IQCH: variants seen among roughly 807,000 people sequenced by gnomAD.
IQCH encodes IQ domain-containing protein H.
Under a neutral mutation model 117.0 loss-of-function variants are expected in IQCH, and 98 were observed. The observed-to-expected ratio is 0.84, with a 90% CI of 0.71 to 0.99. The LOEUF (loss-of-function observed/expected upper bound fraction) is 0.99, where lower values mean the gene tolerates loss of function less well. Ranked by LOEUF, IQCH falls within the 50% of genes least tolerant of loss-of-function variation. The pLI is 0.00. For synonymous variants in IQCH, 412 were observed against 448.2 expected (o/e 0.92, Z 1.02); for missense variants, 1,102 against 1,243.8 (o/e 0.89, Z 1.72).
intron 10 of IQCH, among the ~76,000 whole-genome samples, chr15:67,375,638 C>G (rs1412980653): frequency 6.6e-6 from 1 of 151,984 alleles, no homozygotes; most frequent in Non-Finnish European, 1.5e-5. Context: ...AGAAAAACTG[C>G]TAATTATGTA....
At chr15:67,484,464 C>T (rs1214958078) in intron 18 of IQCH, among the ~76,000 whole-genome samples, 2 of 150,966 alleles carry the variant, frequency 1.3e-5, no homozygotes, top group Admixed American at 6.6e-5. Flanking sequence ...GGCGCTGTGG[C>T]TCATCCCTGT....
intron 5 of IQCH, among the ~76,000 whole-genome samples, chr15:67,340,114 G>A (rs1268797597): frequency 6.6e-6 from 1 of 151,902 alleles, no homozygotes; most frequent in Non-Finnish European, 1.5e-5. Context: ...GCTCTATAAC[G>A]CATCAACCTT....
intron 10 of IQCH, among the ~76,000 whole-genome samples, chr15:67,377,115 C>CAAAAAAAAAAAAAAAAA (rs5813442): frequency 1.2e-5 from 1 of 82,040 alleles, no homozygotes. Context: ...GACTCCATCT[C>CAAAAAAAAAAAAAAAAA]AAAAAAAAAA....
chr15:67,463,764 G>A lies in IQCH; in HGVS notation c.2506-1363G>A, dbSNP rs1463717979. 6.6e-6 allele frequency among the ~76,000 whole-genome samples: 1 copy of A among 152,092 alleles called. No homozygotes were observed. Among genetic ancestry groups the A allele is most frequent in the East Asian group, 1.9e-4 (1 of 5,202 alleles). ...TTTCTTTCTGCTTCAGTAGTACTTT[G>A]TTCCACCCCATTATTTTATCACATA... On this transcript the variant is annotated intron_variant, in intron 16 of 20. Coordinates refer to ENST00000335894, the MANE Select transcript of IQCH (RefSeq NM_001031715.3). This position sits in a 1 kb window ranked among gnomAD's most constrained non-coding sequence, Gnocchi z 4.0.
chr15:67,269,486 C>G (rs1376986942), intron 3 of IQCH, among the ~76,000 whole-genome samples: 1 of 152,102 alleles, frequency 6.6e-6, no homozygotes, highest in Non-Finnish European at 1.5e-5. Flanking sequence ...TTTCTTTAAG[C>G]TAGAAACATG....
At position 67,472,010 on chromosome 15, in the gene IQCH, G is replaced by A. The variant is rs1328567995; in HGVS notation, c.2677-3686G>A. ...GCTGAAAAGAAAGGCCATAGAGAGA[G>A]AGAGATGTTGCTATTAAAATAGATA... On this transcript the variant is annotated intron_variant, in intron 17 of 20. Transcript: ENST00000335894. This position sits in a 1 kb window ranked among gnomAD's most constrained non-coding sequence, Gnocchi z 4.3. 6.6e-6 allele frequency among the ~76,000 whole-genome samples: 1 copy of A among 152,228 alleles called. No individual in the cohort carries two copies. Among genetic ancestry groups the A allele is most frequent in the Non-Finnish European group, 1.5e-5 (1 of 68,030 alleles).
chr15:67,279,548 T>C (rs1406412931), intron 4 of IQCH, 36 bp downstream of exon 4: 1 of 1,243,608 alleles, frequency 8.0e-7, no homozygotes, highest in African/African-American at 1.5e-5. Flanking sequence ...CAGAAAGTAG[T>C]TTAGTGATTG....
chr15:67,387,977 G>A lies in IQCH; in HGVS notation c.1457-854G>A, dbSNP rs1370335031. Reference sequence around the variant, plus strand: ...CTGCATGCTTCATCGTGCCCACAATGATTACTGTATTTCCCTCCACATTTA... The same window carrying A: ...CTGCATGCTTCATCGTGCCCACAATAATTACTGTATTTCCCTCCACATTTA... On this transcript the variant is annotated intron_variant, in intron 11 of 20. Transcript: ENST00000335894. The surrounding 1 kb of genome is among the most constrained non-coding windows in gnomAD (Gnocchi z 4.8). 6.6e-6 allele frequency among the ~76,000 whole-genome samples: 1 copy of A among 152,172 alleles called. No homozygotes were observed. Among genetic ancestry groups the A allele is most frequent in the Non-Finnish European group, 1.5e-5 (1 of 68,030 alleles).
At chr15:67,325,250 C>T (rs1439718010) in intron 4 of IQCH, among the ~76,000 whole-genome samples, 1 of 151,920 alleles carries the variant, frequency 6.6e-6, no homozygotes, top group Non-Finnish European at 1.5e-5. Context: ...TTAGAATTTC[C>T]ATTTAGTCCT....
At chr15:67,441,242 CA>C (rs1275673294) in intron 16 of IQCH, among the ~76,000 whole-genome samples, 4 of 148,730 alleles carry the variant, frequency 2.7e-5, no homozygotes, top group Non-Finnish European at 5.9e-5. Context: ...ACAGACGACA[CA>C]AACAAATGGA....
chr15:67,282,934 C>T (rs1424504620), intron 4 of IQCH, among the ~76,000 whole-genome samples: 1 of 151,926 alleles, frequency 6.6e-6, no homozygotes, highest in African/African-American at 2.4e-5. Flanking sequence ...TACTCAGAAA[C>T]ATTTACAATT....
At chr15:67,442,624 T>C (rs1471732247) in intron 16 of IQCH, among the ~76,000 whole-genome samples, 2 of 151,990 alleles carry the variant, frequency 1.3e-5, no homozygotes, top group African/African-American at 2.4e-5. Flanking sequence ...AGTGTGGAGA[T>C]TCCTTAAAGA....
rs938776985 is a variant in IQCH, at chr15:67,386,110, G to A, written c.1456+1091G>A. On this transcript the variant is annotated intron_variant, in intron 11 of 20. Coordinates refer to ENST00000335894, the MANE Select transcript of IQCH (RefSeq NM_001031715.3). This position sits in a 1 kb window ranked among gnomAD's most constrained non-coding sequence, Gnocchi z 5.0. ...AAAAAATTTTTAATGACTTAAGATT[G>A]ATTTGTTAGTGCTAAGCTATTTCAA... Among the ~76,000 whole-genome samples, 4 of 152,118 alleles carry A rather than the reference G, an allele frequency of 2.6e-5. No individual in the cohort carries two copies. The highest frequency in any genetic ancestry group is 9.7e-5 in the African/African-American group (4 of 41,434).
intron 3 of IQCH, among the ~76,000 whole-genome samples, chr15:67,267,190 C>T (rs1308230279): frequency 1.3e-5 from 2 of 152,130 alleles, no homozygotes; most frequent in Non-Finnish European, 2.9e-5. Context: ...TTATTTATTT[C>T]TTTTTTAATA....
chr15:67,470,938 A>G (rs990147962), intron 17 of IQCH, among the ~76,000 whole-genome samples: 3 of 152,178 alleles, frequency 2.0e-5, no homozygotes, highest in African/African-American at 7.2e-5. Flanking sequence ...CCTATAATAC[A>G]TATTGTTCTG....
At chr15:67,289,704 T>C (rs1966687941) in intron 4 of IQCH, among the ~76,000 whole-genome samples, 1 of 152,108 alleles carries the variant, frequency 6.6e-6, no homozygotes, top group South Asian at 2.1e-4. Context: ...AGAAGAAATA[T>C]CTGAGAATAA....
chr15:67,335,573 G>A (rs1968856296), intron 4 of IQCH, among the ~76,000 whole-genome samples: 3 of 152,094 alleles, frequency 2.0e-5, no homozygotes. Flanking sequence ...TTACTGATTA[G>A]GAGGAGATCC....
chr15:67,482,880 C>G (rs2083376123), intron 18 of IQCH, among the ~76,000 whole-genome samples: 1 of 152,068 alleles, frequency 6.6e-6, no homozygotes, highest in African/African-American at 2.4e-5. Flanking sequence ...ACTGCAGTTG[C>G]CTGGGGAAAA....
At chr15:67,394,872 G>A (rs1053110129) in intron 12 of IQCH, among the ~76,000 whole-genome samples, 1 of 151,970 alleles carries the variant, frequency 6.6e-6, no homozygotes, top group African/African-American at 2.4e-5. Flanking sequence ...GAGTTGCCGT[G>A]GTAGGAATTT....
Sources: gnomAD v4.1 joint callset for allele counts (sites outside exome capture counted in the v4.1 genomes callset) on GRCh38, gnomAD v4.1.1 for gene constraint, Gnocchi (gnomAD v3.1) non-coding constraint, MANE v1.5 for transcripts, NCBI Gene and HGNC (gene_info 2026-07-23, HGNC 2026-07-21) for gene names.